Variants in AHCYL2 observed in about 807,000 individuals in gnomAD.
AHCYL2 encodes the protein adenosylhomocysteinase like 2.
In AHCYL2, 28 loss-of-function variants were observed where a neutral mutation model predicts 81.4. The observed-to-expected ratio is 0.34, with a 90% confidence interval of 0.25 to 0.47. The LOEUF (loss-of-function observed/expected upper bound fraction) is 0.47, where lower values mean the gene tolerates loss of function less well. AHCYL2 is among the 20% of genes least tolerant of loss of function. AHCYL2 has a pLI of 1.00. For synonymous variants in AHCYL2, 272 were observed against 290.2 expected (o/e 0.94, Z 0.64); for missense variants, 551 against 785.1 (o/e 0.70, Z 3.56).
At chr7:129,298,017 A>T (rs1487768980) in intron 1 of AHCYL2, among the ~76,000 whole-genome samples, 1 of 152,276 alleles carries the variant, frequency 6.6e-6, no homozygotes, top group East Asian at 1.9e-4. Flanking sequence ...TGACAGCGAG[A>T]TCCTGTCTCC....
At chr7:129,422,775 A>G in intron 12 of AHCYL2, 65 bp from the exon 13 acceptor site, 1 of 1,456,860 alleles carries the variant, frequency 6.9e-7, no homozygotes, top group Non-Finnish European at 9.6e-7. Flanking sequence ...GCTCCCTTCA[A>G]CATCTTTCTG....
At chr7:129,260,806 T>C (rs77973061) in intron 1 of AHCYL2, among the ~76,000 whole-genome samples, 1 of 152,152 alleles carries the variant, frequency 6.6e-6, no homozygotes, top group Non-Finnish European at 1.5e-5. Flanking sequence ...TTTTTTTTTT[T>C]GAGACGGAGT....
chr7:129,410,335 C>CTTTA, intron 11 of AHCYL2: 1 of 1,614,228 alleles, frequency 6.2e-7, no homozygotes. Context: ...TGTCATCAAG[C>CTTTA]TTTAGCTCTA....
intron 6 of AHCYL2, 47 bp from the exon 7 acceptor site, chr7:129,403,332 T>G: frequency 1.2e-4 from 157 of 1,333,238 alleles, no homozygotes; most frequent in Non-Finnish European, 1.5e-4. Context: ...ACTGAAGCCT[T>G]GAGACTTCAG....
At chr7:129,256,833 G>C (rs942200197) in intron 1 of AHCYL2, among the ~76,000 whole-genome samples, 2 of 151,752 alleles carry the variant, frequency 1.3e-5, no homozygotes, top group African/African-American at 4.8e-5. Flanking sequence ...TGCAATAGAG[G>C]TTTTTACCAG....
chr7:129,405,960 A>T, intron 9 of AHCYL2, 61 bp downstream of exon 9: 1 of 1,537,202 alleles, frequency 6.5e-7, no homozygotes, highest in South Asian at 1.2e-5. Context: ...ATATTCTGGA[A>T]TTTTTTATTT....
chr7:129,286,437 G>C (rs1159839664), intron 1 of AHCYL2, among the ~76,000 whole-genome samples: 1 of 151,062 alleles, frequency 6.6e-6, no homozygotes, highest in Non-Finnish European at 1.5e-5. Flanking sequence ...GAGAGGAGGG[G>C]AGTTAGTTTT....
chr7:129,303,386 G>A lies in AHCYL2; in HGVS notation c.364-76252G>A, dbSNP rs758150754. ...AGGTTTCTTCATGATTCAATTTTGG[G>A]AGGTTGTATGTGTCAAGAAATTTAT... On this transcript the variant is annotated intron_variant, in intron 1 of 16. Transcript: ENST00000325006. Among the ~76,000 whole-genome samples the A allele has an allele frequency of 1.4e-4, 22 of 152,146 alleles. 1 individual carries two copies. Among genetic ancestry groups the A allele is most frequent in the Non-Finnish European group, 2.5e-4 (17 of 68,012 alleles).
intron 1 of AHCYL2, among the ~76,000 whole-genome samples, chr7:129,292,363 T>C (rs1174572842): frequency 2.0e-5 from 3 of 152,204 alleles, no homozygotes; most frequent in African/African-American, 7.2e-5. Flanking sequence ...CAGCTGTGAG[T>C]ATAGCATATG....
At chr7:129,410,692 A>G (rs1185302576) in intron 11 of AHCYL2, among the ~76,000 whole-genome samples, 3 of 152,248 alleles carry the variant, frequency 2.0e-5, no homozygotes, top group Non-Finnish European at 4.4e-5. Flanking sequence ...TATTCTGTTA[A>G]TTCCCAAAGA....
chr7:129,281,760 A>G (rs1295467134), intron 1 of AHCYL2, among the ~76,000 whole-genome samples: 3 of 152,032 alleles, frequency 2.0e-5, no homozygotes, highest in Non-Finnish European at 4.4e-5. Flanking sequence ...GGCCTCCCAA[A>G]GTGCTGGGAT....
At chr7:129,227,256 A>C (rs769757128) in intron 1 of AHCYL2, among the ~76,000 whole-genome samples, 2 of 152,084 alleles carry the variant, frequency 1.3e-5, no homozygotes, top group African/African-American at 4.8e-5. Context: ...ATTTTATTTT[A>C]TTCCTCCCAT....
intron 4 of AHCYL2, 50 bp from the exon 5 acceptor site, chr7:129,397,172 C>A: frequency 7.0e-7 from 1 of 1,431,574 alleles, no homozygotes; most frequent in Non-Finnish European, 9.7e-7. Flanking sequence ...ATCTCCTTGA[C>A]TAGTTGTTTG....
chr7:129,261,859 T>C (rs970719278), intron 1 of AHCYL2, among the ~76,000 whole-genome samples: 1 of 152,200 alleles, frequency 6.6e-6, no homozygotes, highest in African/African-American at 2.4e-5. Context: ...TTTTATTATC[T>C]TTTCTCCTAT....
intron 1 of AHCYL2, among the ~76,000 whole-genome samples, chr7:129,333,269 A>G (rs991996029): frequency 2.0e-5 from 3 of 150,338 alleles, no homozygotes; most frequent in African/African-American, 7.4e-5. Flanking sequence ...CAGGAGTTCA[A>G]CATCAGCCCT....
chr7:129,335,109 T>C (rs2150807829), intron 1 of AHCYL2, among the ~76,000 whole-genome samples: 1 of 152,280 alleles, frequency 6.6e-6, no homozygotes, highest in Non-Finnish European at 1.5e-5. Flanking sequence ...AGGCCGGGCA[T>C]GGTGGCTCAT....
chr7:129,269,773 C>T (rs1054155279), intron 1 of AHCYL2, among the ~76,000 whole-genome samples: 6 of 152,152 alleles, frequency 3.9e-5, no homozygotes, highest in African/African-American at 1.4e-4. Flanking sequence ...TTAAATTTTA[C>T]AGTGTCTATA....
chr7:129,363,052 A>C (rs1246373850), intron 1 of AHCYL2, among the ~76,000 whole-genome samples: 4 of 152,164 alleles, frequency 2.6e-5, no homozygotes, highest in African/African-American at 9.7e-5. Context: ...ACTTGTGGGA[A>C]TACAACTGGC....
At chr7:129,244,073 A>G (rs1368255470) in intron 1 of AHCYL2, among the ~76,000 whole-genome samples, 4 of 150,572 alleles carry the variant, frequency 2.7e-5, no homozygotes, top group African/African-American at 4.9e-5. Flanking sequence ...ATCATGGTTC[A>G]CTGCAGCCTT....
Sources: allele counts gnomAD v4.1 joint callset (sites outside exome capture counted in the v4.1 genomes callset), GRCh38; gene constraint gnomAD v4.1.1; transcripts MANE v1.5; gene names NCBI Gene and HGNC (gene_info 2026-07-23, HGNC 2026-07-21).